The following TCF7L2 variants were observed in gnomAD, a reference collection of about 807,000 sequenced individuals.
TCF7L2 encodes the protein transcription factor 7 like 2, also known as transcription factor 7-like 2.
In TCF7L2, 23 loss-of-function variants were observed where a neutral mutation model predicts 77.9. That is an observed-to-expected ratio of 0.30 (90% CI 0.21 to 0.42). TCF7L2 has a LOEUF of 0.42. Ranked by LOEUF, TCF7L2 falls within the 10% of genes least tolerant of loss-of-function variation. TCF7L2 has a pLI of 1.00. For missense variants in TCF7L2, 654 were observed against 793.1 expected, an observed-to-expected ratio of 0.82 and a Z score of 2.11; for synonymous variants, 413 against 340.2, an observed-to-expected ratio of 1.21 and a Z score of -2.36.
chr10:113,107,080 C>T (rs148001816), intron 5 of TCF7L2, among the ~76,000 whole-genome samples: 1 of 152,168 alleles, frequency 6.6e-6, no homozygotes, highest in Non-Finnish European at 1.5e-5. Context: ...AGCCGGTGCC[C>T]TGGGTTGAGT....
intron 5 of TCF7L2, among the ~76,000 whole-genome samples, chr10:113,060,871 C>A (rs1224626897): frequency 6.6e-6 from 1 of 152,086 alleles, no homozygotes; most frequent in African/African-American, 2.4e-5. Context: ...TGGCTGGCTG[C>A]TGTGTGACGA....
rs2063670756 is a variant in TCF7L2 at position 113,115,883 on chromosome 10, CA to C, written c.553-25300del. Among the ~76,000 whole-genome samples, 4 of 152,026 alleles carry C rather than the reference CA, an allele frequency of 2.6e-5. 1 individual carries two copies. The highest frequency in any genetic ancestry group is 2.6e-4 in the Admixed American group (4 of 15,256). On this transcript the variant is annotated intron_variant, in intron 5 of 13. Coordinates refer to ENST00000627217, the MANE Select transcript of TCF7L2 (RefSeq NM_001146274.2). ...TTCCTTAGCACCCTTCCCCCTTAAA[CA>C]GGCTGCTGTCACGTCATATTTGATT...
At chr10:112,972,266 T>C (rs1288838729) in intron 4 of TCF7L2, among the ~76,000 whole-genome samples, 1 of 152,210 alleles carries the variant, frequency 6.6e-6, no homozygotes, top group Non-Finnish European at 1.5e-5. Context: ...CAGTGAGTTT[T>C]TGAGGCCTTT....
intron 13 of TCF7L2, among the ~76,000 whole-genome samples, chr10:113,161,793 G>T (rs1361860530): frequency 6.6e-6 from 1 of 152,182 alleles, no homozygotes; most frequent in East Asian, 1.9e-4. Context: ...CGAGAGATCG[G>T]TGAAGTGCCT....
rs758942328 is a variant in TCF7L2, at chr10:113,090,703, G to A, written c.553-50481G>A. 7.2e-5 allele frequency among the ~76,000 whole-genome samples: 11 copies of A among 152,132 alleles called. No individual in the cohort carries two copies. In the East Asian group the frequency reaches 7.7e-4, roughly 11 times the overall value. On this transcript the variant is annotated intron_variant, in intron 5 of 13. Transcript: ENST00000627217. Reference sequence around the variant, plus strand: ...TCAGCTCACTGCAACTTCTGCCTCCGGTTTCAAGCGATTCGCCTGCCTCAG... The same window carrying A: ...TCAGCTCACTGCAACTTCTGCCTCCAGTTTCAAGCGATTCGCCTGCCTCAG...
intron 5 of TCF7L2, among the ~76,000 whole-genome samples, chr10:113,070,477 G>GA (rs149962451): frequency 4.8e-4 from 73 of 152,060 alleles, no homozygotes; most frequent in African/African-American, 1.8e-3. Context: ...TGCTTGCTAT[G>GA]GCCCATCTGC....
intron 11 of TCF7L2, 146 bp from the exon 12 acceptor site, chr10:113,157,875 T>C: frequency 1.3e-6 from 1 of 773,678 alleles, no homozygotes; most frequent in Non-Finnish European, 2.1e-6. Flanking sequence ...GAAGCGGGGT[T>C]GGAGGTTGGA....
chr10:112,987,270 G>A (rs1326862719), intron 4 of TCF7L2, among the ~76,000 whole-genome samples: 1 of 152,158 alleles, frequency 6.6e-6, no homozygotes, highest in Non-Finnish European at 1.5e-5. Context: ...ATGACCTGCA[G>A]CAAATAAATC....
Position 113,151,407 on chromosome 10 carries a change from A to G in TCF7L2, c.1001+284A>G, listed in dbSNP as rs890039351. 2.0e-5 allele frequency among the ~76,000 whole-genome samples: 3 copies of G among 152,078 alleles called. No homozygotes were observed. Among genetic ancestry groups the G allele is most frequent in the Admixed American group, 2.0e-4 (3 of 15,266 alleles). ...CCCTGCCCCCTAACCGCATCATTGA[A>G]CATTTAGAGCTTTGTTCTGCAAGCA... is the stretch of plus-strand genomic sequence containing the variant. On this transcript the variant is annotated intron_variant, in intron 9 of 13. Coordinates refer to ENST00000627217, the MANE Select transcript of TCF7L2 (RefSeq NM_001146274.2). This position sits in a 1 kb window ranked among gnomAD's most constrained non-coding sequence, Gnocchi z 5.2.
chr10:113,091,470 C>T (rs932399376), intron 5 of TCF7L2, among the ~76,000 whole-genome samples: 14 of 152,158 alleles, frequency 9.2e-5, no homozygotes, highest in Admixed American at 7.2e-4. Flanking sequence ...CAGTGGCTCA[C>T]GCCTGTAATC....
chr10:113,118,060 TCCATTTCCAA>T (rs1404895864), intron 5 of TCF7L2, among the ~76,000 whole-genome samples: 3 of 150,758 alleles, frequency 2.0e-5, no homozygotes, highest in Non-Finnish European at 4.4e-5. Flanking sequence ...TGTTTTTCGG[TCCATTTCCAA>T]CCATTTCCAG....
At chr10:112,991,691 A>T (rs1343708997) in intron 4 of TCF7L2, among the ~76,000 whole-genome samples, 1 of 152,166 alleles carries the variant, frequency 6.6e-6, no homozygotes, top group African/African-American at 2.4e-5. Flanking sequence ...GAGCAGAGAC[A>T]GCGCAGGCTG....
At chr10:112,985,858 G>GTTT (rs914711092) in intron 4 of TCF7L2, among the ~76,000 whole-genome samples, 2 of 128,552 alleles carry the variant, frequency 1.6e-5, no homozygotes, top group African/African-American at 6.6e-5. Context: ...GAAGCCTGTA[G>GTTT]TTTGTGTGTG....
Position 112,990,460 on chromosome 10 carries a change from A to G in TCF7L2, c.450+25836A>G, listed in dbSNP as rs544116740. On this transcript the variant is annotated intron_variant, in intron 4 of 13. Coordinates refer to ENST00000627217, the MANE Select transcript of TCF7L2 (RefSeq NM_001146274.2). The stretch of plus-strand genomic sequence containing the variant: ...CATGACTCATGCCAGTAATCCCAGC[A>G]CTTTGGGAGGCTGAGGTGGGTGGAT... Among the ~76,000 whole-genome samples the G allele has an allele frequency of 1.2e-3, 176 of 152,282 alleles. 1 individual carries two copies. The highest frequency in any genetic ancestry group is 2.2e-3 in the Non-Finnish European group (148 of 68,026).
chr10:113,063,883 A>G lies in TCF7L2; in HGVS notation c.552+23757A>G, dbSNP rs1292516729. Among the ~76,000 whole-genome samples the G allele has an allele frequency of 6.6e-5, 9 of 136,500 alleles. No individual in the cohort carries two copies. In the East Asian group the frequency reaches 1.9e-3, roughly 30 times the overall value. The allele number at this position is 136,500 out of a possible 152,430, so 89.5% of individuals were successfully genotyped here. A position where few individuals can be genotyped will look rare whatever the true frequency, so the allele number is the denominator to read the frequency against. On this transcript the variant is annotated intron_variant, in intron 5 of 13. Transcript: ENST00000627217. ...GAGAAGAGTGTATGTGTGTGTGCACATGGATGTGGCGTGTGTGTGTGTGTG... is the reference window on the plus strand; with the variant it reads ...GAGAAGAGTGTATGTGTGTGTGCACGTGGATGTGGCGTGTGTGTGTGTGTG...
At chr10:113,092,311 T>C (rs902127631) in intron 5 of TCF7L2, among the ~76,000 whole-genome samples, 2 of 152,232 alleles carry the variant, frequency 1.3e-5, no homozygotes, top group Admixed American at 6.5e-5. Context: ...ATGCCACTTA[T>C]GGGCTGTGCC....
At chr10:113,035,959 G>T (rs1463502438) in intron 4 of TCF7L2, among the ~76,000 whole-genome samples, 1 of 152,046 alleles carries the variant, frequency 6.6e-6, no homozygotes, top group African/African-American at 2.4e-5. Flanking sequence ...TGCCAACCCT[G>T]CCCTGAACAA....
At chr10:113,119,634 C>T (rs2064432554) in intron 5 of TCF7L2, among the ~76,000 whole-genome samples, 1 of 150,340 alleles carries the variant, frequency 6.7e-6, no homozygotes, top group Admixed American at 6.6e-5. Context: ...TCTCCACCCC[C>T]AAAAGAAACA....
rs2054839492 is a variant in TCF7L2 at position 113,053,617 on chromosome 10, TC to T, written c.552+13492del. 2.0e-5 allele frequency among the ~76,000 whole-genome samples: 3 copies of T among 152,156 alleles called. No individual in the cohort carries two copies. The South Asian group carries it at 6.2e-4, about 32-fold the overall frequency. ...TCAATATTAGACTTAATCCCAGAAT[TC>T]ACATGTTGAAAGAAAACTTAGAGGT... On this transcript the variant is annotated intron_variant, in intron 5 of 13. Coordinates refer to ENST00000627217, the MANE Select transcript of TCF7L2 (RefSeq NM_001146274.2).
Sources: gnomAD v4.1 joint callset for allele counts (sites outside exome capture counted in the v4.1 genomes callset) on GRCh38, gnomAD v4.1.1 for gene constraint, Gnocchi (gnomAD v3.1) non-coding constraint, MANE v1.5 for transcripts, NCBI Gene and HGNC (gene_info 2026-07-23, HGNC 2026-07-21) for gene names.